Variants in LIG1 observed in about 807,000 individuals in gnomAD.
LIG1 encodes DNA ligase 1.
A neutral mutation model predicts 115.7 loss-of-function variants in LIG1; 70 were observed. That is an observed-to-expected ratio of 0.60 (90% CI 0.50 to 0.74). The LOEUF (loss-of-function observed/expected upper bound fraction) is 0.74, where lower values mean the gene tolerates loss of function less well. Among genes scored for constraint, LIG1 ranks in the 30% least tolerant of loss-of-function variants. LIG1 has a pLI of 0.00. For synonymous variants in LIG1, 487 were observed against 495.3 expected (o/e 0.98, Z 0.22); for missense variants, 1,115 against 1,225.6 (o/e 0.91, Z 1.35).
intron 4 of LIG1, among the ~76,000 whole-genome samples, chr19:48,157,720 T>A (rs1237322488): frequency 6.6e-6 from 1 of 151,816 alleles, no homozygotes; most frequent in Non-Finnish European, 1.5e-5. Flanking sequence ...AATTTTTGTA[T>A]TTTTTTTATA....
chr19:48,148,371 A>G (rs148118304), intron 9 of LIG1, among the ~76,000 whole-genome samples: 1,575 of 151,318 alleles, frequency 0.01, 33 homozygotes, highest in African/African-American at 0.035. Context: ...GCTACTTGGG[A>G]TGTGGAGGCA....
chr19:48,150,648 T>G (rs531099581), intron 7 of LIG1, among the ~76,000 whole-genome samples: 18 of 152,322 alleles, frequency 1.2e-4, no homozygotes, highest in African/African-American at 3.8e-4. Flanking sequence ...ACTTAATTAA[T>G]AACATTTAAT....
intron 12 of LIG1, among the ~76,000 whole-genome samples, chr19:48,139,496 A>G (rs1381648587): frequency 6.6e-6 from 1 of 151,720 alleles, no homozygotes; most frequent in African/African-American, 2.4e-5. Flanking sequence ...CATGATAAGC[A>G]CCGAGCACTC....
chr19:48,163,119 T>C (rs1028184449), intron 2 of LIG1, among the ~76,000 whole-genome samples: 22 of 151,538 alleles, frequency 1.5e-4, no homozygotes, highest in African/African-American at 5.1e-4. Flanking sequence ...GTTTTCTCCA[T>C]GTTGGCCAGG....
chr19:48,139,877 C>T, intron 12 of LIG1, 94 bp downstream of exon 12: 1 of 1,418,414 alleles, frequency 7.1e-7, no homozygotes, highest in Non-Finnish European at 9.9e-7. Context: ...TGTTTCACAG[C>T]CTCTCTCCAC....
chr19:48,118,337 C>T (rs1310304258), intron 25 of LIG1: 1 of 173,936 alleles, frequency 5.7e-6, no homozygotes, highest in Non-Finnish European at 1.2e-5. Context: ...GCAGGTTTTT[C>T]CCGTGCTGTT....
intron 2 of LIG1, among the ~76,000 whole-genome samples, chr19:48,163,363 A>C (rs940834810): frequency 1.3e-5 from 2 of 152,074 alleles, no homozygotes; most frequent in Non-Finnish European, 2.9e-5. Context: ...CTGAGATTAC[A>C]GGTGGCCGCC....
Position 48,137,456 on chromosome 19 carries a change from G to T in LIG1, c.1254+66C>A. ...TGATGGTCTACCCAGAAGCCTTCCT[G>T]ACACACGCGTGGCCTCAGGTCCCCA... On this transcript the variant is annotated intron_variant, in intron 13 of 27. Coordinates refer to ENST00000263274, the MANE Select transcript of LIG1 (RefSeq NM_000234.3). This position sits in a 1 kb window ranked among gnomAD's most constrained non-coding sequence, Gnocchi z 4.3. The T allele has an allele frequency of 6.3e-7, 1 of 1,589,006 alleles. No individual in the cohort carries two copies. The highest frequency in any genetic ancestry group is 1.1e-5 in the South Asian group (1 of 89,782).
chr19:48,123,648 C>T (rs536552807), intron 21 of LIG1: 229 of 364,454 alleles, frequency 6.3e-4, no homozygotes, highest in Middle Eastern at 1.8e-3. Flanking sequence ...GACGGAATCT[C>T]GCTCTGTCGC....
Position 48,128,000 on chromosome 19 carries a change from T to C in LIG1, c.1842A>G (p.Thr614=), listed in dbSNP as rs1354738821. ...RIPKIKLPSV[T]SFILDTEAVA... ...CGGCTTCGGTGTCCAGGATGAAGGA[T>C]GTGACCGATGGGAGTTTAATCTGAA... Residue 614 remains threonine, a synonymous_variant, in exon 20 of 28, where the codon ACA becomes ACG. Coordinates refer to ENST00000263274, the MANE Select transcript of LIG1 (RefSeq NM_000234.3). 6.2e-7 allele frequency: 1 copy of C among 1,613,986 alleles called. No homozygotes were observed. The highest frequency in any genetic ancestry group is 8.5e-7 in the Non-Finnish European group (1 of 1,179,996).
At chr19:48,170,048 C>G (rs2036723428) in intron 1 of LIG1, 193 bp downstream of exon 1, 1 of 361,418 alleles carries the variant, frequency 2.8e-6, no homozygotes, top group Non-Finnish European at 5.6e-6. Context: ...CCCCCTCCCT[C>G]TGGGAGACAC....
intron 15 of LIG1, 94 bp downstream of exon 15, chr19:48,135,940 G>A (rs985094893): frequency 6.7e-5 from 53 of 785,320 alleles, no homozygotes; most frequent in South Asian, 5.2e-4. Flanking sequence ...GCAGGGGCCC[G>A]CTGGGGAAGG....
intron 5 of LIG1, 21 bp downstream of exon 5, chr19:48,156,985 TGAAGGGGC>T (rs2122959792): frequency 7.2e-7 from 1 of 1,391,360 alleles, no homozygotes; most frequent in Non-Finnish European, 9.6e-7. Context: ...GGCAGGCGAC[TGAAGGGGC>T]AGGGGCCCGT....
Position 48,137,066 on chromosome 19 carries a change from C to G in LIG1, c.1273G>C (p.Asp425His), listed in dbSNP as rs1223060165. 1.2e-6 allele frequency: 2 copies of G among 1,612,968 alleles called. No individual in the cohort carries two copies. The highest frequency in any genetic ancestry group is 3.3e-5 in the Admixed American group (2 of 59,804). Reference protein sequence around the residue: ...TGSASTAKKIDIIKGLFVACR... With the variant: ...TGSASTAKKIHIIKGLFVACR... ...GCCACAAAGAGGCCTTTGATGATGT[C>G]TATCTTCTTGGCTGTGGACTGGAGA... The change falls in exon 14 of 28, where the codon GAC becomes CAC. Residue 425 changes from aspartate (D) to histidine (H), a missense_variant. Coordinates refer to ENST00000263274, the MANE Select transcript of LIG1 (RefSeq NM_000234.3). The surrounding 1 kb of genome is among the most constrained non-coding windows in gnomAD (Gnocchi z 4.3).
rs746482222 is a variant in LIG1, at chr19:48,140,147, G to C, written c.915-4C>G. ...CAGCGTCTCCACCATCCGGAGCCTG[G>C]AGGAGGGGACGGGGGTATGAACACG... is the stretch of plus-strand genomic sequence containing the variant. On this transcript the variant is annotated splice_region_variant and splice_polypyrimidine_tract_variant and intron_variant, in intron 11 of 27. Transcript: ENST00000263274. 14 of 1,610,998 alleles carry C rather than the reference G, an allele frequency of 8.7e-6. No homozygotes were observed. The South Asian group carries it at 1.3e-4, about 15-fold the overall frequency.
rs574314756 is a variant in LIG1, at chr19:48,142,169, G to A, written c.914+1374C>T. ...ATACAAAATTAGGGCCGGGCGCGGT[G>A]GCTCACACCTGTAATCCCAGCACTT... is the stretch of plus-strand genomic sequence containing the variant. On this transcript the variant is annotated intron_variant, in intron 11 of 27. Transcript: ENST00000263274. Among the ~76,000 whole-genome samples, 10 of 152,124 alleles carry A rather than the reference G, an allele frequency of 6.6e-5. No homozygotes were observed. In the East Asian group the frequency reaches 1.9e-3, roughly 29 times the overall value.
intron 10 of LIG1, 79 bp from the exon 11 acceptor site, chr19:48,143,678 C>T (rs1439105693): frequency 1.3e-5 from 17 of 1,316,306 alleles, no homozygotes; most frequent in South Asian, 4.7e-5. Context: ...TGCTTCCTCA[C>T]GCCTCCTCGG....
At chr19:48,121,560 G>C (rs561641740) in intron 23 of LIG1, among the ~76,000 whole-genome samples, 5 of 152,214 alleles carry the variant, frequency 3.3e-5, no homozygotes, top group African/African-American at 7.2e-5. Context: ...CCAGCATTTT[G>C]GGAGGCCGAG....
intron 15 of LIG1, 115 bp from the exon 16 acceptor site, chr19:48,135,894 C>T: frequency 1.4e-6 from 1 of 704,808 alleles, no homozygotes; most frequent in Non-Finnish European, 2.4e-6. Context: ...CCAAGACGCC[C>T]CCTCCCCCCC....
Sources: allele counts gnomAD v4.1 joint callset (sites outside exome capture counted in the v4.1 genomes callset), GRCh38; gene constraint gnomAD v4.1.1; non-coding constraint Gnocchi (gnomAD v3.1); transcripts MANE v1.5; gene names NCBI Gene and HGNC (gene_info 2026-07-23, HGNC 2026-07-21).